KIF6: variants seen among roughly 807,000 people sequenced by gnomAD.
The protein encoded by KIF6 is kinesin-like protein KIF6.
A neutral mutation model predicts 112.7 loss-of-function variants in KIF6; 106 were observed. The observed-to-expected ratio is 0.94, with a 90% CI of 0.80 to 1.11. KIF6 has a LOEUF of 1.11. Among genes scored for constraint, KIF6 ranks in the 50% least tolerant of loss-of-function variants. KIF6 has a pLI of 0.00. For missense variants in KIF6, 929 were observed against 964.0 expected (o/e 0.96, Z 0.48); for synonymous variants, 339 against 339.9 (o/e 1.00, Z 0.03).
rs9380870 is a variant in KIF6 at position 39,503,234 on chromosome 6, A to C, written c.1645+36769T>G. Among the ~76,000 whole-genome samples the C allele has an allele frequency of 0.013, 1,913 of 152,330 alleles. 86 individuals are homozygous for C. The East Asian group carries it at 0.15, about 12-fold the overall frequency. On this transcript the variant is annotated intron_variant, in intron 13 of 22. Coordinates refer to ENST00000287152, the MANE Select transcript of KIF6 (RefSeq NM_145027.6). ...ATGGAAATTGAACAACCTGCTCCTG[A>C]ATAACTCTTGGGTAAATAATGAAAT...
At chr6:39,489,075 C>T (rs1302082612) in intron 13 of KIF6, among the ~76,000 whole-genome samples, 1 of 152,138 alleles carries the variant, frequency 6.6e-6, no homozygotes. Context: ...AAATCTAAGG[C>T]TTTTTAAAAT....
At chr6:39,418,306 C>T (rs1054257177) in intron 15 of KIF6, among the ~76,000 whole-genome samples, 1 of 152,192 alleles carries the variant, frequency 6.6e-6, no homozygotes, top group Non-Finnish European at 1.5e-5. Flanking sequence ...AGTCTGATGA[C>T]CTTACGGACC....
intron 6 of KIF6, among the ~76,000 whole-genome samples, chr6:39,599,438 A>C (rs924876047): frequency 6.6e-6 from 1 of 152,222 alleles, no homozygotes; most frequent in African/African-American, 2.4e-5. Context: ...CAAAATAAAA[A>C]GATGTCAAAA....
chr6:39,714,897 A>G (rs970605218), intron 2 of KIF6, 131 bp from the exon 3 acceptor site: 27 of 652,854 alleles, frequency 4.1e-5, no homozygotes, highest in Non-Finnish European at 7.1e-5. Flanking sequence ...AACTTAGCAC[A>G]ATGTTTGCCC....
At chr6:39,585,042 G>C in intron 8 of KIF6, 58 bp from the exon 9 acceptor site, 1 of 978,428 alleles carries the variant, frequency 1.0e-6, no homozygotes, top group South Asian at 1.4e-5. Context: ...TTTCTTTCTA[G>C]ATAAAACTTA....
intron 4 of KIF6, among the ~76,000 whole-genome samples, chr6:39,638,983 A>G (rs1354034595): frequency 6.6e-5 from 10 of 152,088 alleles, no homozygotes. Flanking sequence ...TCAGCTACTT[A>G]CAGGATGTGG....
At chr6:39,357,482 T>C in intron 18 of KIF6, 108 bp from the exon 19 acceptor site, 2 of 649,012 alleles carry the variant, frequency 3.1e-6, no homozygotes, top group Non-Finnish European at 5.2e-6. Flanking sequence ...GGAGTCTCGC[T>C]CTGTTGCCCA....
At chr6:39,376,691 A>G (rs185239361) in intron 16 of KIF6, among the ~76,000 whole-genome samples, 2 of 152,324 alleles carry the variant, frequency 1.3e-5, no homozygotes, top group Non-Finnish European at 2.9e-5. Context: ...GTCTAGTGTG[A>G]CTAGCTGCAT....
intron 3 of KIF6, among the ~76,000 whole-genome samples, chr6:39,660,949 AC>A (rs1786105843): frequency 1.3e-5 from 2 of 152,200 alleles, no homozygotes; most frequent in African/African-American, 4.8e-5. Context: ...AGTGCTTCAC[AC>A]AAAAATCTGG....
At chr6:39,694,400 T>C (rs560375673) in intron 3 of KIF6, among the ~76,000 whole-genome samples, 4 of 152,286 alleles carry the variant, frequency 2.6e-5, no homozygotes, top group African/African-American at 9.6e-5. Flanking sequence ...GATGATATGT[T>C]TCTATACCTA....
Position 39,342,223 on chromosome 6 carries a change from G to A in KIF6, c.2428+1486C>T, listed in dbSNP as rs145390772. Among the ~76,000 whole-genome samples, 1 of 152,380 alleles carries A rather than the reference G, an allele frequency of 6.6e-6. No homozygotes were observed. Among genetic ancestry groups the A allele is most frequent in the Non-Finnish European group, 1.5e-5 (1 of 68,040 alleles). Reference sequence around the variant, plus strand: ...CTCCATTCTCATGATGCAGCTGTCAGTTTAAAGTTATCTTCTCCAGCAAGG... The same window carrying A: ...CTCCATTCTCATGATGCAGCTGTCAATTTAAAGTTATCTTCTCCAGCAAGG... On this transcript the variant is annotated intron_variant, in intron 22 of 22. Transcript: ENST00000287152. The surrounding 1 kb of genome is among the most constrained non-coding windows in gnomAD (Gnocchi z 4.7).
intron 1 of KIF6, among the ~76,000 whole-genome samples, chr6:39,722,286 A>G (rs762512791): frequency 2.6e-5 from 4 of 152,342 alleles, no homozygotes; most frequent in Non-Finnish European, 4.4e-5. Context: ...ATTAACTGCC[A>G]TTAATGACCC....
Position 39,671,122 on chromosome 6 carries a change from A to G in KIF6, c.252-31365T>C, listed in dbSNP as rs544174068. 2.6e-4 allele frequency among the ~76,000 whole-genome samples: 39 copies of G among 152,358 alleles called. 1 individual carries two copies. The highest frequency in any genetic ancestry group is 6.2e-4 in the South Asian group (3 of 4,830). ...TTCAGTTGGCGAAATGATGCACAAT[A>G]CACAAGACAAACTACTAAAGACACA... On this transcript the variant is annotated intron_variant, in intron 3 of 22. Transcript: ENST00000287152.
chr6:39,415,732 C>A (rs1769870044), intron 15 of KIF6, among the ~76,000 whole-genome samples: 1 of 152,170 alleles, frequency 6.6e-6, no homozygotes, highest in Non-Finnish European at 1.5e-5. Context: ...ACAGAACTGA[C>A]AAATAGCAAA....
At chr6:39,456,060 CA>C (rs1405301791) in intron 13 of KIF6, among the ~76,000 whole-genome samples, 1 of 52,398 alleles carries the variant, frequency 1.9e-5, no homozygotes. Context: ...CTCCAAGACA[CA>C]TAATTGTCAG....
chr6:39,397,611 G>A (rs1768370800), intron 15 of KIF6, among the ~76,000 whole-genome samples: 1 of 152,160 alleles, frequency 6.6e-6, no homozygotes, highest in South Asian at 2.1e-4. Flanking sequence ...AGTCCTGGTG[G>A]ATATAAGCTG....
intron 19 of KIF6, among the ~76,000 whole-genome samples, chr6:39,348,226 G>A (rs7745119): frequency 0.99 from 150,470 of 152,310 alleles, 74,327 homozygotes; most frequent in East Asian, 1. Flanking sequence ...CATTCACTCA[G>A]TGGCTTCCCA....
intron 16 of KIF6, among the ~76,000 whole-genome samples, chr6:39,374,403 G>A (rs1184657736): frequency 6.6e-6 from 1 of 152,272 alleles, no homozygotes; most frequent in Admixed American, 6.5e-5. Context: ...AAACGCTTTT[G>A]CACAGCAAAG....
chr6:39,507,694 T>TCCTC (rs1562273288), intron 13 of KIF6, among the ~76,000 whole-genome samples: 3 of 125,610 alleles, frequency 2.4e-5, no homozygotes. Context: ...CTTCCTACCT[T>TCCTC]CCTTCCTTCC....
Sources: gnomAD v4.1 joint callset for allele counts (sites outside exome capture counted in the v4.1 genomes callset) on GRCh38, gnomAD v4.1.1 for gene constraint, Gnocchi (gnomAD v3.1) non-coding constraint, MANE v1.5 for transcripts, NCBI Gene and HGNC (gene_info 2026-07-23, HGNC 2026-07-21) for gene names.